The following CSMD1 variants were observed in gnomAD, a reference collection of about 807,000 sequenced individuals.
The protein encoded by CSMD1 is CUB and Sushi multiple domains 1.
A neutral mutation model predicts 417.5 loss-of-function variants in CSMD1; 213 were observed. The ratio of observed to expected loss-of-function variants is 0.51; its 90% CI spans 0.46 to 0.57. CSMD1 has a LOEUF of 0.57. Among genes scored for constraint, CSMD1 ranks in the 20% least tolerant of loss-of-function variants. The pLI is 0.00. For missense variants in CSMD1, 6,923 were observed against 4,529.7 expected (o/e 1.53, Z -15.17); for synonymous variants, 2,862 against 1,736.8 (o/e 1.65, Z -16.11).
chr8:4,640,861 C>T (rs1188343335), intron 1 of CSMD1, among the ~76,000 whole-genome samples: 1 of 67,722 alleles, frequency 1.5e-5, no homozygotes, highest in Non-Finnish European at 2.6e-5. Flanking sequence ...TTAATTATTG[C>T]TAAAAAAAAA....
At chr8:3,508,369 A>AG (rs1379273819) in intron 10 of CSMD1, among the ~76,000 whole-genome samples, 3 of 124,746 alleles carry the variant, frequency 2.4e-5, no homozygotes, top group Middle Eastern at 3.7e-3. Flanking sequence ...GGGCAGGGGG[A>AG]GGGGGGAGGG....
intron 2 of CSMD1, among the ~76,000 whole-genome samples, chr8:4,445,349 G>A (rs565483819): frequency 6.6e-6 from 1 of 152,260 alleles, no homozygotes; most frequent in East Asian, 1.9e-4. Flanking sequence ...AGTGTATGAA[G>A]TCTTTTCCTT....
chr8:4,003,549 G>A (rs1313374996), intron 4 of CSMD1, among the ~76,000 whole-genome samples: 1 of 151,960 alleles, frequency 6.6e-6, no homozygotes, highest in Admixed American at 6.6e-5. Context: ...ACAAACACAG[G>A]TGAAGTTTCA....
At chr8:4,122,429 T>G (rs10780169) in intron 3 of CSMD1, among the ~76,000 whole-genome samples, 1 of 152,184 alleles carries the variant, frequency 6.6e-6, no homozygotes, top group African/African-American at 2.4e-5. Flanking sequence ...AACAAACCTC[T>G]GACGCAGTTA....
chr8:3,200,226 A>G (rs941569390), intron 32 of CSMD1, among the ~76,000 whole-genome samples: 9 of 152,062 alleles, frequency 5.9e-5, no homozygotes, highest in African/African-American at 1.9e-4. Flanking sequence ...TAAAAGATTC[A>G]GAAAAGGCCT....
chr8:4,722,406 T>C (rs1165944549), intron 1 of CSMD1, among the ~76,000 whole-genome samples: 2 of 152,152 alleles, frequency 1.3e-5, no homozygotes, highest in Non-Finnish European at 2.9e-5. Flanking sequence ...GCTGTGTATC[T>C]CTTGACCGAG....
At chr8:3,771,752 C>G (rs1006556675) in intron 5 of CSMD1, among the ~76,000 whole-genome samples, 30 of 152,154 alleles carry the variant, frequency 2.0e-4, no homozygotes, top group African/African-American at 5.8e-4. Flanking sequence ...TGTGTGTGTT[C>G]AAATGACAGC....
chr8:3,020,105 C>A (rs1453135949), intron 51 of CSMD1, among the ~76,000 whole-genome samples: 3 of 152,158 alleles, frequency 2.0e-5, no homozygotes, highest in African/African-American at 7.2e-5. Flanking sequence ...TCTGGTTCTG[C>A]CAGACAGGAG....
intron 5 of CSMD1, among the ~76,000 whole-genome samples, chr8:3,867,998 A>G (rs916501950): frequency 6.6e-6 from 1 of 152,104 alleles, no homozygotes; most frequent in South Asian, 2.1e-4. Flanking sequence ...TTCTCAGGTC[A>G]CACACCTCAT....
intron 5 of CSMD1, among the ~76,000 whole-genome samples, chr8:3,854,601 G>C (rs1252079446): frequency 1.3e-5 from 2 of 152,030 alleles, no homozygotes; most frequent in South Asian, 2.1e-4. Context: ...CACCCAAGGA[G>C]ATTCCTAAAT....
intron 1 of CSMD1, among the ~76,000 whole-genome samples, chr8:4,802,325 G>A (rs535742281): frequency 6.6e-6 from 1 of 151,352 alleles, no homozygotes; most frequent in South Asian, 2.1e-4. Flanking sequence ...CCTCCAACTA[G>A]GAACAAGCAA....
chr8:3,154,980 G>A (rs563721711), intron 39 of CSMD1, among the ~76,000 whole-genome samples: 134 of 152,290 alleles, frequency 8.8e-4, no homozygotes, highest in African/African-American at 3.1e-3. Context: ...CATGGGTCAT[G>A]TGTGAGTTTT....
intron 11 of CSMD1, among the ~76,000 whole-genome samples, chr8:3,476,151 T>C (rs4285514): frequency 0.62 from 94,678 of 152,058 alleles, 30,111 homozygotes; most frequent in Middle Eastern, 0.75. Flanking sequence ...AAGACTAGCC[T>C]GCGCAACATA....
Position 3,367,048 on chromosome 8 carries a change from G to A in CSMD1, c.3099C>T (p.Phe1033=), listed in dbSNP as rs745646116. Residue 1033 remains phenylalanine (F), a synonymous_variant, in exon 20 of 70, where the codon TTC becomes TTT. Coordinates refer to ENST00000635120, the MANE Select transcript of CSMD1 (RefSeq NM_033225.6). The part of the protein sequence containing the change: ...ISDFSISYEG[F]NITFSEYDLE... The stretch of plus-strand genomic sequence containing the variant: ...CCAACATACCTGAAAATGTGATATT[G>A]AAGCCCTCGTACGAAATTGAGAAGT... The A allele has an allele frequency of 6.8e-6, 11 of 1,613,254 alleles. No homozygotes were observed. The highest frequency in any genetic ancestry group is 9.3e-6 in the Non-Finnish European group (11 of 1,179,440).
intron 1 of CSMD1, among the ~76,000 whole-genome samples, chr8:4,762,527 A>G (rs1812179927): frequency 6.6e-6 from 1 of 152,140 alleles, no homozygotes; most frequent in South Asian, 2.1e-4. Context: ...TCTCCTAAAA[A>G]ACATCAAAAA....
intron 1 of CSMD1, among the ~76,000 whole-genome samples, chr8:4,708,348 A>G (rs982451326): frequency 2.2e-4 from 33 of 152,194 alleles, no homozygotes; most frequent in Non-Finnish European, 2.1e-4. Flanking sequence ...CTCCGTGAAC[A>G]TTTAGACAAC....
intron 3 of CSMD1, among the ~76,000 whole-genome samples, chr8:4,045,166 T>A (rs1011129215): frequency 1.3e-5 from 2 of 152,248 alleles, no homozygotes; most frequent in African/African-American, 4.8e-5. Flanking sequence ...AGTCGTGGGC[T>A]GGGGTACCGG....
In CSMD1 at chr8:4,761,866, TCTATCTATCTATCTATCTATCTACCTAC is replaced by T. The variant is rs1457580495; in HGVS notation, c.86-124336_86-124309del. Among the ~76,000 whole-genome samples the T allele has an allele frequency of 6.3e-4, 56 of 89,128 alleles. 1 individual carries two copies. The highest frequency in any genetic ancestry group is 2.1e-3 in the African/African-American group (52 of 24,750). The allele number at this position is 89,128 out of a possible 152,430, so 58.5% of individuals were successfully genotyped here. On this transcript the variant is annotated intron_variant, in intron 1 of 69. Coordinates refer to ENST00000635120, the MANE Select transcript of CSMD1 (RefSeq NM_033225.6). ...ATCTATCTATCTATCTATCTATCTA[TCTATCTATCTATCTATCTATCTACCTAC>T]CTATCTATCTATCTATCAATCTATC...
intron 50 of CSMD1, among the ~76,000 whole-genome samples, chr8:3,031,612 C>A (rs1039460398): frequency 1.3e-5 from 2 of 151,882 alleles, no homozygotes; most frequent in African/African-American, 2.4e-5. Context: ...ATGGCCCACG[C>A]TGGTCCTGAA....
Sources: allele counts gnomAD v4.1 joint callset (sites outside exome capture counted in the v4.1 genomes callset), GRCh38; gene constraint gnomAD v4.1.1; transcripts MANE v1.5; gene names NCBI Gene and HGNC (gene_info 2026-07-23, HGNC 2026-07-21).